The following COL5A2 variants were observed in gnomAD, a reference collection of about 807,000 sequenced individuals.
COL5A2 encodes collagen alpha-2(V) chain.
In COL5A2, 23 loss-of-function variants were observed where a neutral mutation model predicts 208.2. The ratio of observed to expected loss-of-function variants is 0.11; its 90% CI spans 0.08 to 0.16. COL5A2 has a LOEUF of 0.16. Ranked by LOEUF, COL5A2 falls within the 10% of genes least tolerant of loss-of-function variation. The probability of loss-of-function intolerance (pLI) is 1.00; values close to 1 mark genes in which losing one functional copy is unlikely to be tolerated. For missense variants in COL5A2, 1,590 were observed against 1,956.4 expected (o/e 0.81, Z 3.53); for synonymous variants, 625 against 628.5 (o/e 0.99, Z 0.08).
At chr2:189,116,420 C>T (rs1687392061) in intron 1 of COL5A2, among the ~76,000 whole-genome samples, 1 of 152,106 alleles carries the variant, frequency 6.6e-6, no homozygotes, top group Admixed American at 6.5e-5. Context: ...TTCTTTAGAC[C>T]ATGCAGAGGA....
At chr2:189,127,590 C>T (rs1381180764) in intron 1 of COL5A2, among the ~76,000 whole-genome samples, 2 of 151,978 alleles carry the variant, frequency 1.3e-5, no homozygotes, top group Non-Finnish European at 2.9e-5. Context: ...CTTTGATTGT[C>T]ATGTATTTTC....
intron 16 of COL5A2, among the ~76,000 whole-genome samples, chr2:189,075,723 T>C (rs1177348536): frequency 6.6e-6 from 1 of 152,158 alleles, no homozygotes; most frequent in Non-Finnish European, 1.5e-5. Flanking sequence ...TTCTAACATA[T>C]GAACTCAGAG....
At chr2:189,376,082 C>T in the COL5A2 span, among the ~76,000 whole-genome samples, 212 of 152,252 alleles carry the variant, frequency 1.4e-3, no homozygotes, top group African/African-American at 4.6e-3. Context: ...GAAAATATGA[C>T]ACCTTGTTTT....
the COL5A2 span, among the ~76,000 whole-genome samples, chr2:189,422,006 A>T: frequency 6.6e-6 from 1 of 152,198 alleles, no homozygotes; most frequent in Non-Finnish European, 1.5e-5. Context: ...TGATCTGCCC[A>T]GAATCTCTGG....
At chr2:189,110,946 G>A (rs1011874056) in intron 1 of COL5A2, among the ~76,000 whole-genome samples, 7 of 151,940 alleles carry the variant, frequency 4.6e-5, no homozygotes, top group Non-Finnish European at 7.4e-5. Flanking sequence ...AAAAGAAAAA[G>A]GTGTATGTTT....
chr2:189,341,402 C>G, the COL5A2 span, among the ~76,000 whole-genome samples: 1 of 152,024 alleles, frequency 6.6e-6, no homozygotes, highest in Non-Finnish European at 1.5e-5. Flanking sequence ...TGACCAAAAG[C>G]ATCAAAAATA....
chr2:189,213,576 A>C (rs561921867), intron 1 of COL5A2, among the ~76,000 whole-genome samples: 28 of 152,230 alleles, frequency 1.8e-4, no homozygotes, highest in Non-Finnish European at 3.4e-4. Context: ...TCACTATGCA[A>C]GCAGCAAAAT....
intron 44 of COL5A2, 24 bp downstream of exon 44, chr2:189,049,323 A>C: frequency 6.8e-7 from 1 of 1,481,194 alleles, no homozygotes; most frequent in Admixed American, 1.7e-5. Flanking sequence ...ACAAGAGAAG[A>C]GTTATTTTCA....
the COL5A2 span, among the ~76,000 whole-genome samples, chr2:189,379,635 C>T: frequency 6.6e-6 from 1 of 152,126 alleles, no homozygotes; most frequent in Non-Finnish European, 1.5e-5. Context: ...ATTTCATTTA[C>T]AATAAATTAG....
chr2:189,333,049 A>G, the COL5A2 span, among the ~76,000 whole-genome samples: 1 of 152,262 alleles, frequency 6.6e-6, no homozygotes, highest in African/African-American at 2.4e-5. Flanking sequence ...AGTGTTTTAC[A>G]TAAAGCATAT....
chr2:189,039,061 T>A (rs1685502526), intron 51 of COL5A2, among the ~76,000 whole-genome samples: 1 of 152,200 alleles, frequency 6.6e-6, no homozygotes, highest in East Asian at 1.9e-4. Context: ...TTGATTTTCA[T>A]TTCTCTAATA....
the COL5A2 span, among the ~76,000 whole-genome samples, chr2:189,294,328 T>C: frequency 1.3e-5 from 2 of 152,172 alleles, no homozygotes; most frequent in African/African-American, 4.8e-5. Context: ...AAAACTGTAT[T>C]TATATAGCCT....
intron 16 of COL5A2, among the ~76,000 whole-genome samples, chr2:189,075,739 G>A (rs1686390182): frequency 6.6e-6 from 1 of 152,134 alleles, no homozygotes; most frequent in Non-Finnish European, 1.5e-5. Flanking sequence ...CAGAGACAAT[G>A]AAAATTTGAA....
chr2:189,417,891 C>A, the COL5A2 span, among the ~76,000 whole-genome samples: 1 of 151,926 alleles, frequency 6.6e-6, no homozygotes, highest in Non-Finnish European at 1.5e-5. Flanking sequence ...TTGTTGGACA[C>A]TTTGATTCCA....
At chr2:189,155,359 T>C (rs1303634830) in intron 1 of COL5A2, among the ~76,000 whole-genome samples, 1 of 328 alleles carries the variant, frequency 3.0e-3, no homozygotes, top group African/African-American at 3.3e-3. Flanking sequence ...CTCTACATTT[T>C]GCTCCTTTGG....
At chr2:189,340,690 C>T in the COL5A2 span, among the ~76,000 whole-genome samples, 742 of 152,286 alleles carry the variant, frequency 4.9e-3, 5 homozygotes, top group Non-Finnish European at 5.5e-3. Context: ...GAATAGTTTT[C>T]ATTTCTGGCC....
At chr2:189,277,328 T>C in the COL5A2 span, among the ~76,000 whole-genome samples, 1 of 152,098 alleles carries the variant, frequency 6.6e-6, no homozygotes, top group Non-Finnish European at 1.5e-5. Flanking sequence ...GACCCCAAGA[T>C]TCATGGAAGC....
chr2:189,202,923 T>C (rs1290565137), intron 1 of COL5A2, among the ~76,000 whole-genome samples: 1 of 152,164 alleles, frequency 6.6e-6, no homozygotes, highest in African/African-American at 2.4e-5. Context: ...AGCTCATTCT[T>C]CCAGAATGAT....
chr2:189,385,228 TAC>T, the COL5A2 span, among the ~76,000 whole-genome samples: 1 of 152,126 alleles, frequency 6.6e-6, no homozygotes, highest in Non-Finnish European at 1.5e-5. Context: ...CAGAAAACTC[TAC>T]AGACCCTGCC....
Sources: gnomAD v4.1 joint callset for allele counts (sites outside exome capture counted in the v4.1 genomes callset) on GRCh38, gnomAD v4.1.1 for gene constraint, MANE v1.5 for transcripts, NCBI Gene and HGNC (gene_info 2026-07-23, HGNC 2026-07-21) for gene names.